The following RGS6 variants were observed in gnomAD, a reference collection of about 807,000 sequenced individuals.
RGS6 encodes the protein regulator of G protein signaling 6, also known as regulator of G-protein signaling 6.
In RGS6, 30 loss-of-function variants were observed where a neutral mutation model predicts 78.5. That is an observed-to-expected ratio of 0.38 (90% CI 0.29 to 0.52). The LOEUF (loss-of-function observed/expected upper bound fraction) is 0.52, where lower values mean the gene tolerates loss of function less well. RGS6 is among the 20% of genes least tolerant of loss of function. RGS6 has a pLI of 0.85. For missense variants in RGS6, 495 were observed against 609.7 expected (o/e 0.81, Z 1.98); for synonymous variants, 206 against 206.0 (o/e 1.00, Z 0.00).
the RGS6 span, among the ~76,000 whole-genome samples, chr14:71,923,921 A>G: frequency 6.6e-6 from 1 of 152,236 alleles, no homozygotes; most frequent in African/African-American, 2.4e-5. Flanking sequence ...AGGACATTGC[A>G]GGAAACCTTC....
chr14:72,260,444 T>C (rs1374355596), intron 2 of RGS6, among the ~76,000 whole-genome samples: 1 of 152,194 alleles, frequency 6.6e-6, no homozygotes, highest in Non-Finnish European at 1.5e-5. Context: ...ATAAAAGATG[T>C]CAAAGTTGTG....
At chr14:72,275,411 A>G (rs895493007) in intron 2 of RGS6, among the ~76,000 whole-genome samples, 3 of 152,194 alleles carry the variant, frequency 2.0e-5, no homozygotes, top group African/African-American at 7.2e-5. Context: ...TATACACTGG[A>G]AGATTGGGTA....
At chr14:72,336,774 C>A (rs2283390) in intron 2 of RGS6, among the ~76,000 whole-genome samples, 84,315 of 151,764 alleles carry the variant, frequency 0.56, 24,190 homozygotes, top group African/African-American at 0.69. Flanking sequence ...CAGAAGTCTA[C>A]GATCAAGACA....
intron 2 of RGS6, among the ~76,000 whole-genome samples, chr14:71,993,048 C>T (rs2095034974): frequency 6.6e-6 from 1 of 152,120 alleles, no homozygotes; most frequent in South Asian, 2.1e-4. Context: ...TAGCCTTTTA[C>T]TTTAAGGAGA....
chr14:71,913,315 C>T, the RGS6 span, among the ~76,000 whole-genome samples: 1 of 152,220 alleles, frequency 6.6e-6, no homozygotes, highest in Non-Finnish European at 1.5e-5. Flanking sequence ...CCCTGCAAGG[C>T]ATATGTACTA....
intron 10 of RGS6, among the ~76,000 whole-genome samples, chr14:72,475,680 G>A (rs1389375483): frequency 6.6e-6 from 1 of 152,036 alleles, no homozygotes; most frequent in African/African-American, 2.4e-5. Flanking sequence ...AGTGAGCAGA[G>A]ATCGCGCCAT....
At chr14:72,086,458 C>T (rs970648690) in intron 2 of RGS6, among the ~76,000 whole-genome samples, 1 of 152,290 alleles carries the variant, frequency 6.6e-6, no homozygotes, top group South Asian at 2.1e-4. Context: ...ACTATGCAAC[C>T]TTGAAAATAA....
At chr14:72,419,953 A>G (rs1303097935) in intron 3 of RGS6, among the ~76,000 whole-genome samples, 2 of 152,212 alleles carry the variant, frequency 1.3e-5, no homozygotes, top group African/African-American at 4.8e-5. Flanking sequence ...AGGGTGTGAG[A>G]CAGAGAAGTG....
chr14:72,041,748 G>A (rs971461067), intron 2 of RGS6, among the ~76,000 whole-genome samples: 2 of 152,148 alleles, frequency 1.3e-5, no homozygotes, highest in African/African-American at 4.8e-5. Context: ...GTTTCTGGAG[G>A]TCTTATAAAG....
In RGS6 at chr14:71,992,216, A is replaced by G. The variant is rs193049781; in HGVS notation, c.84+27341A>G. On this transcript the variant is annotated intron_variant, in intron 2 of 17. Transcript: ENST00000553525. Reference sequence around the variant, plus strand: ...TGGCTAATTTTTTTGTAGTTTTAGTATAGACAGAGTTTTGCCATGTTGGCC... The same window carrying G: ...TGGCTAATTTTTTTGTAGTTTTAGTGTAGACAGAGTTTTGCCATGTTGGCC... Among the ~76,000 whole-genome samples the G allele has an allele frequency of 2.0e-5, 3 of 152,212 alleles. No homozygotes were observed. In the East Asian group the frequency reaches 5.8e-4, roughly 29 times the overall value.
intron 2 of RGS6, among the ~76,000 whole-genome samples, chr14:72,139,294 A>T (rs1320588665): frequency 6.6e-6 from 1 of 152,188 alleles, no homozygotes; most frequent in East Asian, 1.9e-4. Context: ...ACTTCTGTCA[A>T]TTCTCCATTC....
Position 72,341,884 on chromosome 14 carries a change from G to A in RGS6, c.85-10211G>A, listed in dbSNP as rs145841533. ...ATCCTAGAGTCCAGGGTGTCCTTGG[G>A]GTCAGAGGGAGGACAAGGCCTTATG... On this transcript the variant is annotated intron_variant, in intron 2 of 17. Transcript: ENST00000553525. Among the ~76,000 whole-genome samples, 606 of 150,700 alleles carry A rather than the reference G, an allele frequency of 4.0e-3. 3 individuals carry two copies. Among genetic ancestry groups the A allele is most frequent in the Admixed American group, 8.4e-3 (127 of 15,076 alleles).
intron 9 of RGS6, among the ~76,000 whole-genome samples, chr14:72,473,399 GCA>G (rs2096144443): frequency 1.3e-5 from 2 of 152,152 alleles, no homozygotes; most frequent in Admixed American, 6.5e-5. Context: ...AGCCGAGAGC[GCA>G]CCACTGCACT....
At chr14:72,555,230 A>G (rs1446434916) in intron 17 of RGS6, among the ~76,000 whole-genome samples, 1 of 152,210 alleles carries the variant, frequency 6.6e-6, no homozygotes, top group Non-Finnish European at 1.5e-5. Context: ...TAGAGGCATC[A>G]GCATCAGTAA....
In RGS6 at chr14:72,041,349, C is replaced by G. The variant is rs185175737; in HGVS notation, c.84+76474C>G. Among the ~76,000 whole-genome samples, 338 of 152,256 alleles carry G rather than the reference C, an allele frequency of 2.2e-3. 1 individual carries two copies. Among genetic ancestry groups the G allele is most frequent in the South Asian group, 3.7e-3 (18 of 4,822 alleles). The stretch of plus-strand genomic sequence containing the variant: ...CCCAATTAGAGAAGTTTGCTAATTT[C>G]TTTTTCAACAGTTTGTGTTCTCTTG... On this transcript the variant is annotated intron_variant, in intron 2 of 17. Transcript: ENST00000553525.
chr14:71,872,380 G>C, the RGS6 span, among the ~76,000 whole-genome samples: 1 of 152,156 alleles, frequency 6.6e-6, no homozygotes, highest in African/African-American at 2.4e-5. Context: ...AGGATGGAAA[G>C]GGGGAGTGAT....
chr14:72,490,244 G>A (rs2096560187), intron 12 of RGS6, among the ~76,000 whole-genome samples: 1 of 152,192 alleles, frequency 6.6e-6, no homozygotes, highest in African/African-American at 2.4e-5. Context: ...GAGTTTCCCT[G>A]CACAAGCTCG....
chr14:72,334,165 T>C (rs1211087079), intron 2 of RGS6, among the ~76,000 whole-genome samples: 1 of 152,332 alleles, frequency 6.6e-6, no homozygotes, highest in Non-Finnish European at 1.5e-5. Context: ...GAAAGGATTT[T>C]GTGTGTGCTC....
At chr14:72,450,675 A>G (rs1272782621) in intron 3 of RGS6, among the ~76,000 whole-genome samples, 3 of 152,232 alleles carry the variant, frequency 2.0e-5, no homozygotes, top group African/African-American at 4.8e-5. Flanking sequence ...TAAGATCCAG[A>G]AACCAGTCGT....
Sources: gnomAD v4.1 joint callset for allele counts (sites outside exome capture counted in the v4.1 genomes callset) on GRCh38, gnomAD v4.1.1 for gene constraint, MANE v1.5 for transcripts, NCBI Gene and HGNC (gene_info 2026-07-23, HGNC 2026-07-21) for gene names.